KAZN: variants seen among roughly 807,000 people sequenced by gnomAD.
KAZN encodes the protein kazrin, periplakin interacting protein, also known as kazrin.
Under a neutral mutation model 87.4 loss-of-function variants are expected in KAZN, and 40 were observed. That is an observed-to-expected ratio of 0.46 (90% CI 0.36 to 0.60). The LOEUF (loss-of-function observed/expected upper bound fraction) is 0.60. Among genes scored for constraint, KAZN ranks in the 20% least tolerant of loss-of-function variants. The probability of loss-of-function intolerance (pLI) is 0.00; values close to 1 mark genes in which losing one functional copy is unlikely to be tolerated. For missense variants in KAZN, 898 were observed against 1,073.9 expected (o/e 0.84, Z 2.29); for synonymous variants, 466 against 458.3 (o/e 1.02, Z -0.22).
chr1:14,744,651 A>T (rs1221789567), intron 1 of KAZN, among the ~76,000 whole-genome samples: 1 of 152,164 alleles, frequency 6.6e-6, no homozygotes, highest in African/African-American at 2.4e-5. Context: ...CAGGAAGATC[A>T]CTTGAGCCCA....
At chr1:14,478,646 C>T (rs1668904874) in intron 2 of KAZN, among the ~76,000 whole-genome samples, 1 of 152,214 alleles carries the variant, frequency 6.6e-6, no homozygotes, top group African/African-American at 2.4e-5. Context: ...AATCTGCCAA[C>T]ATATTTCACT....
chr1:14,872,788 G>GTGGA (rs1339016581), intron 1 of KAZN, among the ~76,000 whole-genome samples: 3 of 151,884 alleles, frequency 2.0e-5, no homozygotes, highest in Non-Finnish European at 4.4e-5. Flanking sequence ...GAATGGATAG[G>GTGGA]TGGATGGATG....
Position 14,198,501 on chromosome 1 carries a change from G to A in KAZN, c.249+17909G>A, listed in dbSNP as rs189360948. Among the ~76,000 whole-genome samples the A allele has an allele frequency of 2.9e-3, 449 of 152,308 alleles. 3 individuals are homozygous for A. Among genetic ancestry groups the A allele is most frequent in the Non-Finnish European group, 4.4e-3 (300 of 68,018 alleles). On this transcript the variant is annotated intron_variant, in intron 2 of 16. Transcript: ENST00000636203. ...TGTAATCTCAGCTACTCAGGAGGCT[G>A]AGGCACAAGAATCAATTGAACTGGG...
chr1:14,679,818 T>C (rs1194854013), intron 1 of KAZN, among the ~76,000 whole-genome samples: 1 of 152,088 alleles, frequency 6.6e-6, no homozygotes, highest in Non-Finnish European at 1.5e-5. Flanking sequence ...ACAGTCATGC[T>C]CCACCACTGG....
intron 1 of KAZN, among the ~76,000 whole-genome samples, chr1:14,868,867 A>T (rs1026675650): frequency 1.3e-5 from 2 of 152,084 alleles, no homozygotes; most frequent in Admixed American, 1.3e-4. Flanking sequence ...AGCTAAGTAA[A>T]AATAATAATA....
chr1:14,319,058 ATTTAT>A (rs1433221500), intron 2 of KAZN, among the ~76,000 whole-genome samples: 2 of 93,804 alleles, frequency 2.1e-5, no homozygotes, highest in African/African-American at 6.9e-5. Flanking sequence ...TTATTTATTT[ATTTAT>A]TTTTCTGGTG....
intron 1 of KAZN, among the ~76,000 whole-genome samples, chr1:14,050,175 T>C (rs55988309): frequency 0.17 from 24,976 of 151,106 alleles, 2,302 homozygotes; most frequent in Non-Finnish European, 0.22. Context: ...TGTGGGTGTG[T>C]GCGCACATGT....
chr1:14,384,546 G>A (rs1300844646), intron 2 of KAZN, among the ~76,000 whole-genome samples: 1 of 152,066 alleles, frequency 6.6e-6, no homozygotes, highest in African/African-American at 2.4e-5. Context: ...ATTTTGTCAA[G>A]GGCCTTTTCT....
chr1:14,251,519 G>A (rs1337212840), intron 2 of KAZN, among the ~76,000 whole-genome samples: 6 of 152,046 alleles, frequency 3.9e-5, no homozygotes, highest in Non-Finnish European at 7.4e-5. Context: ...TGGGAGGGAG[G>A]AAAGAGAGAC....
chr1:14,350,088 C>G (rs907309613), intron 2 of KAZN, among the ~76,000 whole-genome samples: 4 of 147,994 alleles, frequency 2.7e-5, no homozygotes, highest in African/African-American at 1.0e-4. Flanking sequence ...GAGCTGAGAT[C>G]GCGCCACTGC....
In KAZN at chr1:15,114,554, T is replaced by C; in HGVS notation, c.2247T>C (p.Asp749=). Residue 749 remains aspartate (D), a synonymous_variant, in exon 15 of 15, where the codon GAT becomes GAC. Coordinates refer to ENST00000376030, the MANE Select transcript of KAZN (RefSeq NM_201628.3). ...HDDYGSLQNE[D]CGDDDPQSRL... is the part of the protein sequence containing the mutation. ...ACTATGGCTCTCTTCAAAACGAAGA[T>C]TGCGGAGACGATGACCCCCAGAGCA... 2 of 1,609,408 alleles carry C rather than the reference T, an allele frequency of 1.2e-6. No individual in the cohort carries two copies. The highest frequency in any genetic ancestry group is 1.7e-6 in the Non-Finnish European group (2 of 1,177,876).
chr1:14,183,427 C>A (rs1244579020), intron 2 of KAZN, among the ~76,000 whole-genome samples: 3 of 152,214 alleles, frequency 2.0e-5, no homozygotes, highest in South Asian at 2.1e-4. Context: ...GGCCTAGCAC[C>A]TCTATTTGCA....
Position 14,000,791 on chromosome 1 carries a change from G to C in KAZN, c.91+107035G>C, listed in dbSNP as rs12725792. 7.3e-5 allele frequency among the ~76,000 whole-genome samples: 11 copies of C among 150,820 alleles called. 1 individual carries two copies. In the East Asian group the frequency reaches 2.0e-3, roughly 27 times the overall value. On this transcript the variant is annotated intron_variant, in intron 1 of 16. Coordinates refer to the KAZN transcript ENST00000636203. ...GTTTGCAGATGACATGATTTTTTTT[G>C]TTTGTTTTTGAGACGGAGTCTCGCT...
At chr1:14,383,650 G>C (rs916983914) in intron 2 of KAZN, among the ~76,000 whole-genome samples, 8 of 152,098 alleles carry the variant, frequency 5.3e-5, no homozygotes, top group Admixed American at 3.9e-4. Flanking sequence ...ATTTCTGAGG[G>C]CTCTGTTCTG....
In KAZN at chr1:15,017,483, CTTAGT is replaced by C. The variant is rs372044852; in HGVS notation, c.419-17263_419-17259del. Among the ~76,000 whole-genome samples, 622 of 152,178 alleles carry C rather than the reference CTTAGT, an allele frequency of 4.1e-3. 1 individual carries two copies. The highest frequency in any genetic ancestry group is 0.014 in the African/African-American group (563 of 41,530). On this transcript the variant is annotated intron_variant, in intron 2 of 14. Coordinates refer to ENST00000376030, the MANE Select transcript of KAZN (RefSeq NM_201628.3). ...CAGATAGTTTTGCAGATACTGTGGT[CTTAGT>C]TTTGTACGACTGAATTTAAAGCCTT...
intron 2 of KAZN, among the ~76,000 whole-genome samples, chr1:14,328,693 ACT>A (rs956560278): frequency 6.8e-6 from 1 of 147,622 alleles, no homozygotes; most frequent in Non-Finnish European, 1.5e-5. Flanking sequence ...ACAGAGCAAG[ACT>A]CTGTCTCAAA....
chr1:14,735,780 C>T lies in KAZN; in HGVS notation c.226+136557C>T, dbSNP rs1172365008. Among the ~76,000 whole-genome samples the T allele has an allele frequency of 6.6e-6, 1 of 152,152 alleles. No individual in the cohort carries two copies. Among genetic ancestry groups the T allele is most frequent in the African/African-American group, 2.4e-5 (1 of 41,442 alleles). On this transcript the variant is annotated intron_variant, in intron 1 of 14. Transcript: ENST00000376030. The surrounding 1 kb of genome is among the most constrained non-coding windows in gnomAD (Gnocchi z 4.3). ...GAAATGTCCACGATAGTCCAAGAAG[C>T]GCCGTCCCTGGCCCTGGGTTTGGTA...
intron 1 of KAZN, among the ~76,000 whole-genome samples, chr1:13,952,622 G>C (rs1641395482): frequency 6.9e-6 from 1 of 145,694 alleles, no homozygotes; most frequent in South Asian, 2.4e-4. Flanking sequence ...ACAGCAGCAA[G>C]CTGGGGCAGG....
intron 1 of KAZN, among the ~76,000 whole-genome samples, chr1:13,927,637 C>T (rs1640336512): frequency 6.6e-6 from 1 of 152,034 alleles, no homozygotes; most frequent in African/African-American, 2.4e-5. Context: ...TCTTTTGAGC[C>T]AGGCATGTTT....
Sources: gnomAD v4.1 joint callset for allele counts (sites outside exome capture counted in the v4.1 genomes callset) on GRCh38, gnomAD v4.1.1 for gene constraint, Gnocchi (gnomAD v3.1) non-coding constraint, MANE v1.5 for transcripts, NCBI Gene and HGNC (gene_info 2026-07-23, HGNC 2026-07-21) for gene names.